The following RBFOX1 variants were observed in gnomAD, a reference collection of about 807,000 sequenced individuals.
The protein encoded by RBFOX1 is RNA binding fox-1 homolog 1.
Under a neutral mutation model 57.7 loss-of-function variants are expected in RBFOX1, and 8 were observed. The observed-to-expected ratio is 0.14, with a 90% confidence interval of 0.08 to 0.25. The LOEUF (loss-of-function observed/expected upper bound fraction) is 0.25. RBFOX1 is among the 10% of genes least tolerant of loss of function. RBFOX1 has a pLI of 1.00. For synonymous variants in RBFOX1, 326 were observed against 222.4 expected, an observed-to-expected ratio of 1.47 and a Z score of -4.15; for missense variants, 611 against 548.5, an observed-to-expected ratio of 1.11 and a Z score of -1.14.
At chr16:7,641,685 C>G (rs958640715) in intron 11 of RBFOX1, among the ~76,000 whole-genome samples, 3 of 152,162 alleles carry the variant, frequency 2.0e-5, no homozygotes, top group African/African-American at 7.2e-5. Flanking sequence ...CTAATTCCCA[C>G]TAGTGGTTTT....
At chr16:5,691,858 A>G (rs2009724) in intron 3 of RBFOX1, among the ~76,000 whole-genome samples, 29,671 of 152,086 alleles carry the variant, frequency 0.2, 4,235 homozygotes, top group East Asian at 0.66. Flanking sequence ...CAGAGTTGGG[A>G]TTCAATCCCC....
chr16:5,488,666 G>A (rs1439333547), intron 2 of RBFOX1, among the ~76,000 whole-genome samples: 1 of 149,754 alleles, frequency 6.7e-6, no homozygotes, highest in Non-Finnish European at 1.5e-5. Flanking sequence ...TATGGGAGAT[G>A]ATGGTGATGG....
intron 2 of RBFOX1, among the ~76,000 whole-genome samples, chr16:6,580,554 A>G (rs2097522901): frequency 6.6e-6 from 1 of 151,048 alleles, no homozygotes; most frequent in East Asian, 2.0e-4. Context: ...AAATAAATAC[A>G]CGTTTGCTCA....
intron 4 of RBFOX1, among the ~76,000 whole-genome samples, chr16:7,053,711 G>C (rs954393412): frequency 7.2e-5 from 11 of 152,166 alleles, no homozygotes; most frequent in Non-Finnish European, 1.6e-4. Flanking sequence ...CAAGAATGGA[G>C]TCTTCCCCTC....
chr16:5,792,679 C>T (rs547686209), intron 3 of RBFOX1, among the ~76,000 whole-genome samples: 13 of 152,190 alleles, frequency 8.5e-5, no homozygotes, highest in African/African-American at 2.6e-4. Context: ...CCCGTCTCTA[C>T]TAAAAATACA....
At chr16:6,621,651 C>G (rs2098233866) in intron 2 of RBFOX1, among the ~76,000 whole-genome samples, 1 of 152,166 alleles carries the variant, frequency 6.6e-6, no homozygotes, top group Non-Finnish European at 1.5e-5. Flanking sequence ...TAATTGACTA[C>G]ACATATTACT....
At chr16:6,374,299 C>T (rs2090883832) in intron 2 of RBFOX1, among the ~76,000 whole-genome samples, 1 of 152,146 alleles carries the variant, frequency 6.6e-6, no homozygotes, top group Non-Finnish European at 1.5e-5. Flanking sequence ...AAGGGTTACA[C>T]CACACAATTT....
Position 5,835,910 on chromosome 16 carries a change from T to C in RBFOX1, c.319-31393T>C, listed in dbSNP as rs1550139. ...GAGAGAGACACCTGCCTGGCCTTGC[T>C]CCTTGCACCCGCCGCCCATGAGTCT... On this transcript the variant is annotated intron_variant, in intron 3 of 19. Transcript: ENST00000641259. 9.0e-3 allele frequency among the ~76,000 whole-genome samples: 1,367 copies of C among 152,206 alleles called. 16 individuals are homozygous for C. Among genetic ancestry groups the C allele is most frequent in the African/African-American group, 0.032 (1,309 of 41,534 alleles).
chr16:5,276,793 A>G (rs1320504672), intron 1 of RBFOX1, among the ~76,000 whole-genome samples: 1 of 152,194 alleles, frequency 6.6e-6, no homozygotes, highest in Admixed American at 6.6e-5. Context: ...ACAAAAAGCA[A>G]AAATTGATGT....
At chr16:6,174,316 C>T (rs753712870) in intron 1 of RBFOX1, among the ~76,000 whole-genome samples, 6 of 152,136 alleles carry the variant, frequency 3.9e-5, no homozygotes, top group Non-Finnish European at 7.3e-5. Flanking sequence ...AAGTTAGGGC[C>T]GGGCACGGTG....
chr16:6,496,319 C>G (rs1403119484), intron 2 of RBFOX1, among the ~76,000 whole-genome samples: 2 of 152,110 alleles, frequency 1.3e-5, no homozygotes, highest in Admixed American at 6.5e-5. Flanking sequence ...ATTTGTTGTT[C>G]TTCATTCACA....
chr16:5,882,564 G>C (rs1300797997), intron 4 of RBFOX1, among the ~76,000 whole-genome samples: 1 of 152,148 alleles, frequency 6.6e-6, no homozygotes, highest in Non-Finnish European at 1.5e-5. Flanking sequence ...CAGAGACCTG[G>C]AGGGCTCATG....
At chr16:5,567,012 C>T (rs2046096828) in intron 2 of RBFOX1, among the ~76,000 whole-genome samples, 1 of 152,190 alleles carries the variant, frequency 6.6e-6, no homozygotes, top group Admixed American at 6.5e-5. Context: ...TCTGTTCTCA[C>T]TTTAACCAGA....
intron 3 of RBFOX1, among the ~76,000 whole-genome samples, chr16:5,658,355 GGACCC>G (rs2049523810): frequency 6.6e-6 from 1 of 152,090 alleles, no homozygotes; most frequent in African/African-American, 2.4e-5. Context: ...CAAGCTGAGG[GGACCC>G]AGGCTGTCCT....
intron 4 of RBFOX1, among the ~76,000 whole-genome samples, chr16:7,106,727 C>G (rs1036155440): frequency 6.6e-6 from 1 of 151,990 alleles, no homozygotes; most frequent in Admixed American, 6.6e-5. Context: ...GAATTCATGA[C>G]ACATAATCCC....
At chr16:6,936,758 G>C (rs1012032357) in intron 3 of RBFOX1, among the ~76,000 whole-genome samples, 2 of 151,900 alleles carry the variant, frequency 1.3e-5, no homozygotes, top group Non-Finnish European at 2.9e-5. Context: ...ATACTGTATT[G>C]GTAATTCAAA....
At chr16:5,283,563 C>G (rs2063323073) in intron 1 of RBFOX1, among the ~76,000 whole-genome samples, 3 of 152,266 alleles carry the variant, frequency 2.0e-5, no homozygotes, top group East Asian at 1.9e-4. Flanking sequence ...GAGCCCACCT[C>G]TTACATCAGC....
chr16:7,338,311 T>C (rs1262460378), intron 4 of RBFOX1, among the ~76,000 whole-genome samples: 2 of 152,054 alleles, frequency 1.3e-5, no homozygotes, highest in African/African-American at 4.8e-5. Flanking sequence ...AAACTTTCTA[T>C]AGCTAGACAG....
At chr16:7,190,518 C>T (rs535906454) in intron 4 of RBFOX1, among the ~76,000 whole-genome samples, 1 of 151,400 alleles carries the variant, frequency 6.6e-6, no homozygotes, top group African/African-American at 2.4e-5. Context: ...CTGAGTGATA[C>T]TCTGATCTCT....
Sources: allele counts gnomAD v4.1 joint callset (sites outside exome capture counted in the v4.1 genomes callset), GRCh38; gene constraint gnomAD v4.1.1; transcripts MANE v1.5; gene names NCBI Gene and HGNC (gene_info 2026-07-23, HGNC 2026-07-21).